Variants in NCALD observed in about 807,000 individuals in gnomAD.
NCALD encodes the protein neurocalcin-delta.
NCALD carries 10 observed loss-of-function variants against 18.6 expected under a neutral mutation model. The observed-to-expected ratio is 0.54, with a 90% CI of 0.33 to 0.91. The LOEUF (loss-of-function observed/expected upper bound fraction) is 0.91. NCALD is among the 40% of genes least tolerant of loss of function. The pLI is 0.03. For missense variants in NCALD, 184 were observed against 247.6 expected (o/e 0.74, Z 1.72); for synonymous variants, 88 against 87.4 (o/e 1.01, Z -0.04).
intron 1 of NCALD, among the ~76,000 whole-genome samples, chr8:101,742,351 G>C (rs1343454599): frequency 6.6e-6 from 1 of 151,738 alleles, no homozygotes; most frequent in Admixed American, 6.6e-5. Flanking sequence ...AGATAAATTT[G>C]CTAGTTTTCT....
Position 101,845,816 on chromosome 8 carries a change from CTA to C in NCALD, c.-20+41323_-20+41324del, listed in dbSNP as rs544732946. ...ATTTTGTACCCATTAACCACCCTCT[CTA>C]TATTTACCCTCTTCTGCCCCACCAC... On this transcript the variant is annotated intron_variant, in intron 4 of 6. Transcript: ENST00000311028. 6.9e-4 allele frequency among the ~76,000 whole-genome samples: 105 copies of C among 152,256 alleles called. 1 individual carries two copies. Among genetic ancestry groups the C allele is most frequent in the Non-Finnish European group, 1.4e-3 (94 of 68,010 alleles).
intron 4 of NCALD, among the ~76,000 whole-genome samples, chr8:101,835,628 G>A (rs1563812681): frequency 6.6e-6 from 1 of 152,272 alleles, no homozygotes; most frequent in East Asian, 1.9e-4. Context: ...GCTAGGGCAG[G>A]GCTAGAAATG....
chr8:102,067,600 A>C (rs540143416), intron 1 of NCALD, among the ~76,000 whole-genome samples: 2 of 152,294 alleles, frequency 1.3e-5, no homozygotes, highest in African/African-American at 4.8e-5. Flanking sequence ...CAGAAAACGT[A>C]ATTTTTGAAG....
At chr8:101,783,425 T>C (rs1812096841) in intron 1 of NCALD, among the ~76,000 whole-genome samples, 1 of 152,154 alleles carries the variant, frequency 6.6e-6, no homozygotes, top group Admixed American at 6.5e-5. Context: ...TTAAGAGGCA[T>C]AAGATTTTGT....
Position 102,053,076 on chromosome 8 carries a change from T to C in NCALD, c.-209-32787A>G, listed in dbSNP as rs74745040. The stretch of plus-strand genomic sequence containing the variant: ...ATAAACAGGAGCCAGATCCTTCTAC[T>C]GGAGTGAACTGTAGAATCCCACAAG... On this transcript the variant is annotated intron_variant, in intron 1 of 6. Coordinates refer to the NCALD transcript ENST00000311028. 3.6e-3 allele frequency among the ~76,000 whole-genome samples: 546 copies of C among 152,330 alleles called. 2 individuals are homozygous for C. The highest frequency in any genetic ancestry group is 0.012 in the African/African-American group (514 of 41,572).
At chr8:102,010,063 C>T (rs1441155260) in intron 2 of NCALD, among the ~76,000 whole-genome samples, 1 of 152,158 alleles carries the variant, frequency 6.6e-6, no homozygotes, top group East Asian at 1.9e-4. Context: ...AAGTAAGCAA[C>T]AACGAGGAAG....
At chr8:101,770,046 C>G (rs1022210187) in intron 1 of NCALD, among the ~76,000 whole-genome samples, 2 of 152,070 alleles carry the variant, frequency 1.3e-5, no homozygotes, top group African/African-American at 4.8e-5. Context: ...AAAGAAGAGG[C>G]CTATAGTTGT....
intron 1 of NCALD, among the ~76,000 whole-genome samples, chr8:101,738,879 T>C (rs1810055924): frequency 6.6e-6 from 1 of 152,136 alleles, no homozygotes; most frequent in African/African-American, 2.4e-5. Context: ...ATCACCTTCA[T>C]CATCTTCATC....
At chr8:101,957,186 T>C (rs1393149736) in intron 2 of NCALD, among the ~76,000 whole-genome samples, 2 of 151,512 alleles carry the variant, frequency 1.3e-5, no homozygotes. Context: ...TGCAATCAAT[T>C]ATAAACATTC....
At chr8:101,854,424 TG>T (rs1215067464) in intron 4 of NCALD, among the ~76,000 whole-genome samples, 1 of 152,182 alleles carries the variant, frequency 6.6e-6, no homozygotes, top group Non-Finnish European at 1.5e-5. Context: ...CTGAAGTGCA[TG>T]GGTCAGAAAG....
At chr8:101,807,200 G>A (rs1178703941) in intron 4 of NCALD, among the ~76,000 whole-genome samples, 1 of 152,052 alleles carries the variant, frequency 6.6e-6, no homozygotes, top group African/African-American at 2.4e-5. Context: ...CGGATAAAAA[G>A]AGTATCAGAA....
intron 2 of NCALD, among the ~76,000 whole-genome samples, chr8:101,968,296 G>A (rs1479839618): frequency 6.6e-6 from 1 of 151,886 alleles, no homozygotes; most frequent in African/African-American, 2.4e-5. Flanking sequence ...ACTTTAAAGG[G>A]CAGTTTTTCT....
chr8:101,772,413 G>C (rs1811622331), intron 1 of NCALD, among the ~76,000 whole-genome samples: 1 of 152,108 alleles, frequency 6.6e-6, no homozygotes, highest in African/African-American at 2.4e-5. Flanking sequence ...CTTCCTAGTG[G>C]CAAACACACT....
chr8:101,865,299 T>G (rs570218021), intron 4 of NCALD, among the ~76,000 whole-genome samples: 1 of 152,220 alleles, frequency 6.6e-6, no homozygotes, highest in East Asian at 1.9e-4. Flanking sequence ...TTTGTTGGAG[T>G]TTGAGGCACA....
intron 1 of NCALD, among the ~76,000 whole-genome samples, chr8:101,733,693 A>G (rs1271666719): frequency 6.6e-6 from 1 of 152,142 alleles, no homozygotes; most frequent in African/African-American, 2.4e-5. Flanking sequence ...AGAAAGAAAA[A>G]GAGCATGAAA....
intron 2 of NCALD, among the ~76,000 whole-genome samples, chr8:102,001,751 C>G (rs1355707982): frequency 6.6e-6 from 1 of 152,136 alleles, no homozygotes; most frequent in African/African-American, 2.4e-5. Context: ...AATTTTCAAC[C>G]CAGAATTTCA....
At chr8:101,801,646 T>TTTC (rs1393144652) in intron 4 of NCALD, among the ~76,000 whole-genome samples, 7 of 30,774 alleles carry the variant, frequency 2.3e-4, no homozygotes, top group Non-Finnish European at 2.9e-4. Flanking sequence ...ACACTTACTT[T>TTTC]TTTTTTTTTT....
At chr8:101,702,319 C>A (rs1215276977) in intron 2 of NCALD, among the ~76,000 whole-genome samples, 1 of 151,854 alleles carries the variant, frequency 6.6e-6, no homozygotes, top group African/African-American at 2.4e-5. Context: ...TAGCTTCGGA[C>A]CTCCTGGGCT....
chr8:101,959,791 G>C (rs1385629008), intron 2 of NCALD, among the ~76,000 whole-genome samples: 1 of 152,124 alleles, frequency 6.6e-6, no homozygotes, highest in Non-Finnish European at 1.5e-5. Flanking sequence ...GTGGAAAATG[G>C]TATTTAGGAA....
Sources: gnomAD v4.1 joint callset for allele counts (sites outside exome capture counted in the v4.1 genomes callset) on GRCh38, gnomAD v4.1.1 for gene constraint, MANE v1.5 for transcripts, NCBI Gene and HGNC (gene_info 2026-07-23, HGNC 2026-07-21) for gene names.